PCDHA5: variants seen among roughly 807,000 people sequenced by gnomAD.
The protein encoded by PCDHA5 is protocadherin alpha-5.
A neutral mutation model predicts 61.6 loss-of-function variants in PCDHA5; 43 were observed. The ratio of observed to expected loss-of-function variants is 0.70; its 90% CI spans 0.55 to 0.90. The LOEUF (loss-of-function observed/expected upper bound fraction) is 0.90. Ranked by LOEUF, PCDHA5 falls within the 40% of genes least tolerant of loss-of-function variation. The pLI, the probability that PCDHA5 is intolerant of heterozygous loss-of-function variation, is 0.00. For synonymous variants in PCDHA5, 627 were observed against 543.9 expected (o/e 1.15, Z -2.13); for missense variants, 1,298 against 1,222.7 (o/e 1.06, Z -0.92).
chr5:140,850,962 G>A lies in PCDHA5; in HGVS notation c.2352+26835G>A, dbSNP rs2150504046. On this transcript the variant is annotated intron_variant, in intron 1 of 3. Coordinates refer to ENST00000529859, the MANE Select transcript of PCDHA5 (RefSeq NM_018908.3). Reference sequence around the variant, plus strand: ...AAGATATTATCGATTACTCCCAGGGGCCGTTCAAATAGTTTTATTCATTTT... The same window carrying A: ...AAGATATTATCGATTACTCCCAGGGACCGTTCAAATAGTTTTATTCATTTT... 3.4e-6 allele frequency: 5 copies of A among 1,475,076 alleles called. No homozygotes were observed. In the African/African-American group the frequency reaches 7.1e-5, roughly 21 times the overall value. The allele number at this position is 1,475,076 out of a possible 1,614,324, so 91.4% of individuals were successfully genotyped here. A position where few individuals can be genotyped will look rare whatever the true frequency, so the allele number is the denominator to read the frequency against.
chr5:140,885,310 G>T (rs1554182115), intron 1 of PCDHA5, among the ~76,000 whole-genome samples: 1 of 152,038 alleles, frequency 6.6e-6, no homozygotes. Context: ...TAGGCTTTTT[G>T]TTATTATTTC....
chr5:140,853,741 G>C, intron 1 of PCDHA5: 1 of 988,438 alleles, frequency 1.0e-6, no homozygotes, highest in East Asian at 1.1e-4. Flanking sequence ...TGAATGTTCT[G>C]GTTCAAGGCT....
At position 141,011,699 on chromosome 5, in the gene PCDHA5, A is replaced by G. The variant is rs537913184; in HGVS notation, c.*1762A>G. 6.5e-6 allele frequency: 1 copy of G among 153,890 alleles called. No homozygotes were observed. Among genetic ancestry groups the G allele is most frequent in the African/African-American group, 2.4e-5 (1 of 41,578 alleles). 9.5% of individuals were successfully genotyped at this position (153,890 alleles called of 1,614,324 possible). A position where few individuals can be genotyped will look rare whatever the true frequency, so the allele number is the denominator to read the frequency against. ...TTGTTCTAGTAACAATTTTGGAATG[A>G]ATACTGACAATATTCCATGAGGGTG... On this transcript the variant is annotated 3_prime_UTR_variant, in exon 4 of 4. Coordinates refer to ENST00000529859, the MANE Select transcript of PCDHA5 (RefSeq NM_018908.3).
rs782034471 is a variant in PCDHA5 at position 141,010,170 on chromosome 5, T to G, written c.*233T>G. ...TCCACTCTGGCTTGTTTTCAGAACCTAAAAAGCAGACCCAAGTTTCCTTTC... is the reference window on the plus strand; with the variant it reads ...TCCACTCTGGCTTGTTTTCAGAACCGAAAAAGCAGACCCAAGTTTCCTTTC... On this transcript the variant is annotated 3_prime_UTR_variant, in exon 4 of 4. Transcript: ENST00000529859. 6.4e-7 allele frequency: 1 copy of G among 1,559,590 alleles called. No individual in the cohort carries two copies.
rs782403008 is a variant in PCDHA5 at position 140,877,235 on chromosome 5, G to A, written c.2352+53108G>A. ...TTGGTACCGCGGTCGGTGGGTGCGGGCCACGTGGTGGCGAAAGTGCGCGCG... is the reference window on the plus strand; with the variant it reads ...TTGGTACCGCGGTCGGTGGGTGCGGACCACGTGGTGGCGAAAGTGCGCGCG... On this transcript the variant is annotated intron_variant, in intron 1 of 3. Transcript: ENST00000529859. 49 of 1,613,570 alleles carry A rather than the reference G, an allele frequency of 3.0e-5. No homozygotes were observed. In the South Asian group the frequency reaches 5.1e-4, roughly 17 times the overall value.
intron 1 of PCDHA5, chr5:140,877,919 T>A: frequency 7.0e-7 from 1 of 1,423,998 alleles, no homozygotes; most frequent in South Asian, 1.6e-5. Flanking sequence ...CTCTCATTTT[T>A]CTTTATGATT....
chr5:140,874,040 T>G (rs1303509988), intron 1 of PCDHA5, among the ~76,000 whole-genome samples: 7 of 152,220 alleles, frequency 4.6e-5, no homozygotes, highest in Admixed American at 4.6e-4. Flanking sequence ...AGAAACTTGG[T>G]GATGATATTA....
chr5:140,985,532 G>A (rs1358120172), intron 3 of PCDHA5, among the ~76,000 whole-genome samples: 2 of 152,190 alleles, frequency 1.3e-5, no homozygotes, highest in African/African-American at 4.8e-5. Context: ...AAAGCTTCAC[G>A]GTGAAGATGC....
intron 1 of PCDHA5, chr5:140,877,564 G>A (rs782415331): frequency 1.2e-5 from 20 of 1,613,652 alleles, no homozygotes; most frequent in Middle Eastern, 3.3e-4. Context: ...GGATATTAAC[G>A]TGTACCTCAT....
rs1456644186 is a variant in PCDHA5, at chr5:140,823,589, GGCTTTCGTATGA to G, written c.1818_1829del (p.Ser607_Leu610del). 1 of 1,613,884 alleles carries G rather than the reference GGCTTTCGTATGA, an allele frequency of 6.2e-7. No individual in the cohort carries two copies. The highest frequency in any genetic ancestry group is 8.5e-7 in the Non-Finnish European group (1 of 1,179,936). On this transcript the variant is annotated inframe_deletion, in exon 1 of 4. Coordinates refer to ENST00000529859, the MANE Select transcript of PCDHA5 (RefSeq NM_018908.3). ...GACCCTGATTCGGGCTACAACGCTT[GGCTTTCGTATGA>G]GCTGCAGCCAGCGCCTGGCAGTGCG...
At chr5:140,939,317 A>T (rs2092365663) in intron 1 of PCDHA5, among the ~76,000 whole-genome samples, 1 of 152,148 alleles carries the variant, frequency 6.6e-6, no homozygotes, top group Admixed American at 6.5e-5. Flanking sequence ...CTACCTCCTA[A>T]TATCATAATC....
At chr5:140,952,185 T>C (rs1354216964) in intron 1 of PCDHA5, among the ~76,000 whole-genome samples, 1 of 152,010 alleles carries the variant, frequency 6.6e-6, no homozygotes, top group Non-Finnish European at 1.5e-5. Context: ...GCTGCTCTCA[T>C]GGGTTGGTGT....
chr5:140,846,192 T>C (rs1293745593), intron 1 of PCDHA5, among the ~76,000 whole-genome samples: 1 of 149,496 alleles, frequency 6.7e-6, no homozygotes, highest in Non-Finnish European at 1.5e-5. Flanking sequence ...TTGAGTTCTT[T>C]GTATGTATGA....
chr5:140,836,322 C>T (rs2150257752), intron 1 of PCDHA5: 37 of 1,613,644 alleles, frequency 2.3e-5, no homozygotes, highest in Admixed American at 3.3e-5. Context: ...GCGCCACCGC[C>T]TTCTGGTGCT....
chr5:140,927,974 T>C (rs1554205324), intron 1 of PCDHA5: 3 of 1,614,098 alleles, frequency 1.9e-6, no homozygotes, highest in Non-Finnish European at 2.5e-6. Context: ...GTGATTGCTC[T>C]CTTTAGTGTA....
At chr5:140,975,963 A>G (rs2096691903) in intron 1 of PCDHA5, among the ~76,000 whole-genome samples, 1 of 152,186 alleles carries the variant, frequency 6.6e-6, no homozygotes, top group Non-Finnish European at 1.5e-5. Flanking sequence ...TTCTTCACCA[A>G]TAGAAAGTAA....
intron 1 of PCDHA5, among the ~76,000 whole-genome samples, chr5:140,918,860 A>G (rs1264660506): frequency 6.6e-6 from 1 of 152,218 alleles, no homozygotes; most frequent in Non-Finnish European, 1.5e-5. Context: ...TGCCTGAATC[A>G]TGAACTTTCA....
intron 1 of PCDHA5, among the ~76,000 whole-genome samples, chr5:140,945,166 T>C (rs145739178): frequency 2.6e-5 from 4 of 152,112 alleles, no homozygotes; most frequent in African/African-American, 9.6e-5. Context: ...TTGAACTATC[T>C]GAAAAATAAA....
At chr5:140,856,393 T>A in intron 1 of PCDHA5, 1 of 1,598,412 alleles carries the variant, frequency 6.3e-7, no homozygotes, top group African/African-American at 1.3e-5. Flanking sequence ...CGCTGCAGGT[T>A]TTCCATGTGG....
Sources: allele counts gnomAD v4.1 joint callset (sites outside exome capture counted in the v4.1 genomes callset), GRCh38; gene constraint gnomAD v4.1.1; transcripts MANE v1.5; gene names NCBI Gene and HGNC (gene_info 2026-07-23, HGNC 2026-07-21).